CNBD1: variants seen among roughly 807,000 people sequenced by gnomAD.
The protein encoded by CNBD1 is cyclic nucleotide binding domain containing 1, also known as cyclic nucleotide-binding domain-containing protein 1.
A neutral mutation model predicts 54.4 loss-of-function variants in CNBD1; 71 were observed. The ratio of observed to expected loss-of-function variants is 1.30; its 90% CI spans 1.08 to 1.59. The LOEUF (loss-of-function observed/expected upper bound fraction) is 1.59. CNBD1 is among the 40% of genes most tolerant of loss of function. The pLI is 0.00. For missense variants in CNBD1, 659 were observed against 518.0 expected (o/e 1.27, Z -2.64); for synonymous variants, 182 against 170.7 (o/e 1.07, Z -0.51).
chr8:87,327,528 C>T (rs529782085), intron 8 of CNBD1, among the ~76,000 whole-genome samples: 49 of 152,298 alleles, frequency 3.2e-4, no homozygotes, highest in Non-Finnish European at 5.0e-4. Flanking sequence ...TTAAGCCGGT[C>T]TGAAAAGCGC....
intron 8 of CNBD1, among the ~76,000 whole-genome samples, chr8:87,318,969 T>C (rs1265553091): frequency 7.9e-5 from 12 of 152,084 alleles, no homozygotes; most frequent in African/African-American, 2.6e-4. Flanking sequence ...ATGAGCATAA[T>C]GAAATAAACT....
intron 8 of CNBD1, among the ~76,000 whole-genome samples, chr8:87,300,213 T>C (rs902025865): frequency 1.3e-5 from 2 of 152,192 alleles, no homozygotes; most frequent in African/African-American, 4.8e-5. Context: ...TCAAATTGAT[T>C]TTATTAATGT....
chr8:87,177,783 T>C (rs965380243), intron 4 of CNBD1, among the ~76,000 whole-genome samples: 4 of 152,188 alleles, frequency 2.6e-5, no homozygotes, highest in African/African-American at 9.7e-5. Context: ...ATTAAATAAA[T>C]ATCTATTTTT....
At chr8:86,957,552 T>A (rs1235754216) in intron 4 of CNBD1, among the ~76,000 whole-genome samples, 5 of 152,196 alleles carry the variant, frequency 3.3e-5, no homozygotes, top group Non-Finnish European at 5.9e-5. Context: ...CCTGGTTTAG[T>A]CTTGGGAGGG....
chr8:87,426,872 A>G (rs1308635457), intron 2 of CNBD1, among the ~76,000 whole-genome samples: 1 of 152,220 alleles, frequency 6.6e-6, no homozygotes, highest in Non-Finnish European at 1.5e-5. Context: ...GACCAGGGAT[A>G]TACCCTTAAT....
At chr8:86,874,986 T>TTATATATATATA (rs10584669) in intron 1 of CNBD1, among the ~76,000 whole-genome samples, 1,774 of 119,628 alleles carry the variant, frequency 0.015, 35 homozygotes, top group African/African-American at 0.018. Flanking sequence ...GTAAATCAAT[T>TTATATATATATA]TATATATATA....
intron 2 of CNBD1, among the ~76,000 whole-genome samples, chr8:87,406,447 TACACACACAC>T (rs36222951): frequency 3.0e-4 from 37 of 122,156 alleles, no homozygotes; most frequent in Non-Finnish European, 3.8e-4. Context: ...TATGTGTGTA[TACACACACAC>T]ACACACACAC....
intron 6 of CNBD1, among the ~76,000 whole-genome samples, chr8:87,281,083 A>G (rs1808589940): frequency 6.6e-6 from 1 of 151,630 alleles, no homozygotes; most frequent in South Asian, 2.1e-4. Context: ...TATAAAGTAG[A>G]CCATGATTAT....
At chr8:87,124,446 TA>T (rs1811952784) in intron 4 of CNBD1, among the ~76,000 whole-genome samples, 1 of 151,620 alleles carries the variant, frequency 6.6e-6, no homozygotes, top group Non-Finnish European at 1.5e-5. Flanking sequence ...TGGAAATTAA[TA>T]ATTACCACAA....
At chr8:87,362,961 C>T (rs551404023) in intron 10 of CNBD1, among the ~76,000 whole-genome samples, 4 of 151,990 alleles carry the variant, frequency 2.6e-5, no homozygotes, top group African/African-American at 7.2e-5. Context: ...CCCATCAACC[C>T]GTCATCTATA....
intron 2 of CNBD1, among the ~76,000 whole-genome samples, chr8:86,895,532 C>T (rs1048481699): frequency 6.6e-6 from 1 of 152,088 alleles, no homozygotes. Flanking sequence ...ACTAGCAAAC[C>T]GTTCCAACGT....
At chr8:87,413,022 G>A (rs1226883868) in intron 2 of CNBD1, among the ~76,000 whole-genome samples, 1 of 151,968 alleles carries the variant, frequency 6.6e-6, no homozygotes, top group Non-Finnish European at 1.5e-5. Flanking sequence ...ACAGAACTCG[G>A]GTTTAGGTCT....
At chr8:87,169,064 C>A (rs1813030558) in intron 4 of CNBD1, among the ~76,000 whole-genome samples, 1 of 152,070 alleles carries the variant, frequency 6.6e-6, no homozygotes, top group East Asian at 1.9e-4. Context: ...AACAGGGTTC[C>A]CTTTTCTCCA....
In CNBD1 at chr8:87,410,229, C is replaced by T. The variant is rs1015267569; in HGVS notation, c.214-18317C>T. ...ATGGAGATCCACATGCCTGCTACCACAACATTTATTCTATAGCCCAAGGAT... is the reference window on the plus strand; with the variant it reads ...ATGGAGATCCACATGCCTGCTACCATAACATTTATTCTATAGCCCAAGGAT... On this transcript the variant is annotated intron_variant, in intron 2 of 7. Transcript: ENST00000521593. 3.3e-5 allele frequency among the ~76,000 whole-genome samples: 5 copies of T among 152,208 alleles called. 1 individual carries two copies. In the South Asian group the frequency reaches 1.0e-3, roughly 32 times the overall value.
intron 2 of CNBD1, among the ~76,000 whole-genome samples, chr8:86,895,970 G>A (rs1421297594): frequency 6.6e-6 from 1 of 151,960 alleles, no homozygotes; most frequent in African/African-American, 2.4e-5. Flanking sequence ...GTTTTCTATT[G>A]AGTTGTATGA....
At chr8:86,977,564 A>T (rs564572556) in intron 4 of CNBD1, among the ~76,000 whole-genome samples, 1 of 152,270 alleles carries the variant, frequency 6.6e-6, no homozygotes, top group South Asian at 2.1e-4. Context: ...CTAACACAGA[A>T]GTAAAGAGAA....
intron 3 of CNBD1, among the ~76,000 whole-genome samples, chr8:86,926,233 G>T (rs996721023): frequency 6.6e-6 from 1 of 152,166 alleles, no homozygotes; most frequent in Non-Finnish European, 1.5e-5. Flanking sequence ...AACTGCTGTT[G>T]AGAACTGGGC....
intron 5 of CNBD1, among the ~76,000 whole-genome samples, chr8:87,230,244 C>T (rs1029799862): frequency 6.6e-6 from 1 of 152,184 alleles, no homozygotes; most frequent in Non-Finnish European, 1.5e-5. Context: ...GATCCAATCA[C>T]CTCCCACGGA....
chr8:87,244,480 G>C (rs1473374394), intron 6 of CNBD1, among the ~76,000 whole-genome samples: 1 of 151,910 alleles, frequency 6.6e-6, no homozygotes, highest in Non-Finnish European at 1.5e-5. Context: ...GGGCATTTAG[G>C]GTGTCTATCT....
Sources: gnomAD v4.1 joint callset for allele counts (sites outside exome capture counted in the v4.1 genomes callset) on GRCh38, gnomAD v4.1.1 for gene constraint, MANE v1.5 for transcripts, NCBI Gene and HGNC (gene_info 2026-07-23, HGNC 2026-07-21) for gene names.